Variants in TNRC6B observed in about 807,000 individuals in gnomAD.
The protein encoded by TNRC6B is trinucleotide repeat containing adaptor 6B.
In TNRC6B, 52 loss-of-function variants were observed where a neutral mutation model predicts 203.6. That is an observed-to-expected ratio of 0.26 (90% confidence interval 0.20 to 0.32). The LOEUF (loss-of-function observed/expected upper bound fraction) is 0.32, where lower values mean the gene tolerates loss of function less well. Among genes scored for constraint, TNRC6B ranks in the 10% least tolerant of loss-of-function variants. The probability of loss-of-function intolerance (pLI) is 1.00; values close to 1 mark genes in which losing one functional copy is unlikely to be tolerated. For missense variants in TNRC6B, 1,923 were observed against 2,286.2 expected (o/e 0.84, Z 3.24); for synonymous variants, 838 against 845.7 (o/e 0.99, Z 0.16).
intron 1 of TNRC6B, among the ~76,000 whole-genome samples, chr22:40,077,783 A>G (rs182854942): frequency 1.6e-4 from 22 of 140,920 alleles, no homozygotes; most frequent in East Asian, 1.0e-3. Flanking sequence ...GTGTGTGTGT[A>G]TATACACACT....
intron 3 of TNRC6B, among the ~76,000 whole-genome samples, chr22:40,129,903 A>C (rs897634158): frequency 3.3e-5 from 5 of 152,158 alleles, no homozygotes; most frequent in Non-Finnish European, 7.4e-5. Flanking sequence ...ACATGTTTTA[A>C]ATTTTCTATG....
intron 1 of TNRC6B, among the ~76,000 whole-genome samples, chr22:40,217,309 C>T (rs1555890414): frequency 6.6e-6 from 1 of 152,184 alleles, no homozygotes; most frequent in Admixed American, 6.5e-5. Context: ...TCTAAAAGCA[C>T]CATAAAATGT....
At chr22:40,308,434 A>C (rs28605331) in intron 15 of TNRC6B, 78 bp from the exon 16 acceptor site, 1 of 1,518,146 alleles carries the variant, frequency 6.6e-7, no homozygotes, top group Non-Finnish European at 9.1e-7. Flanking sequence ...ATGACACTTG[A>C]AGGCATTCCT....
At chr22:40,223,787 T>C (rs2069747810) in intron 1 of TNRC6B, among the ~76,000 whole-genome samples, 1 of 152,218 alleles carries the variant, frequency 6.6e-6, no homozygotes, top group African/African-American at 2.4e-5. Flanking sequence ...TACTTAAAAA[T>C]AGGATAGCTG....
At chr22:40,095,007 G>T (rs1023918578) in intron 1 of TNRC6B, among the ~76,000 whole-genome samples, 21 of 152,090 alleles carry the variant, frequency 1.4e-4, no homozygotes, top group African/African-American at 4.8e-5. Flanking sequence ...TTTTGATTTG[G>T]TTAGATCATC....
At chr22:40,253,776 T>C in intron 3 of TNRC6B, 1 of 454,086 alleles carries the variant, frequency 2.2e-6, no homozygotes, top group South Asian at 1.6e-5. Context: ...CAGCCACATC[T>C]TCATCTTTAT....
intron 1 of TNRC6B, among the ~76,000 whole-genome samples, chr22:40,231,164 T>TA (rs2069864325): frequency 6.6e-6 from 1 of 152,186 alleles, no homozygotes; most frequent in African/African-American, 2.4e-5. Flanking sequence ...AACTTTATAA[T>TA]AAGTCTTCAC....
Position 40,308,265 on chromosome 22 carries a change from G to C in TNRC6B, c.4121-247G>C, listed in dbSNP as rs116122772. Among the ~76,000 whole-genome samples the C allele has an allele frequency of 2.0e-3, 304 of 152,342 alleles. 1 individual carries two copies. The highest frequency in any genetic ancestry group is 7.1e-3 in the African/African-American group (297 of 41,580). On this transcript the variant is annotated intron_variant, in intron 15 of 22. Coordinates refer to ENST00000454349, the MANE Select transcript of TNRC6B (RefSeq NM_001162501.2). ...ATGTCAGCTAAATGAAAAAGGGCGT[G>C]CAGGAATGCACTGAGACAGACCTGA...
intron 4 of TNRC6B, among the ~76,000 whole-genome samples, chr22:40,166,510 A>T (rs953734210): frequency 6.6e-6 from 1 of 151,494 alleles, no homozygotes; most frequent in East Asian, 1.9e-4. Flanking sequence ...TAAATAATTC[A>T]GTGCTTCCTA....
At chr22:40,069,795 T>G (rs2067931513) in intron 1 of TNRC6B, among the ~76,000 whole-genome samples, 1 of 152,132 alleles carries the variant, frequency 6.6e-6, no homozygotes, top group African/African-American at 2.4e-5. Flanking sequence ...GCCGAGAGCT[T>G]CTTTTAGACA....
At chr22:40,277,283 C>G (rs1027279328) in intron 8 of TNRC6B, 132 bp downstream of exon 8, 2 of 572,854 alleles carry the variant, frequency 3.5e-6, no homozygotes, top group Non-Finnish European at 5.7e-6. Context: ...TGTTCTTGAC[C>G]TTTTGAGTTA....
intron 1 of TNRC6B, among the ~76,000 whole-genome samples, chr22:40,210,563 G>A (rs761368205): frequency 1.3e-5 from 2 of 152,006 alleles, no homozygotes; most frequent in Admixed American, 6.6e-5. Flanking sequence ...CATTTTATAC[G>A]CACAGCTTTC....
chr22:40,303,330 C>G (rs2071050314), intron 15 of TNRC6B, among the ~76,000 whole-genome samples: 1 of 151,942 alleles, frequency 6.6e-6, no homozygotes, highest in Non-Finnish European at 1.5e-5. Context: ...CTGGCCGATT[C>G]TTTCTTACTT....
chr22:40,268,888 G>A (rs2070517698), intron 5 of TNRC6B, among the ~76,000 whole-genome samples: 1 of 151,270 alleles, frequency 6.6e-6, no homozygotes, highest in Non-Finnish European at 1.5e-5. Context: ...ACTCCAGCCT[G>A]GGCGACAGAG....
chr22:40,123,146 A>G (rs926777171), intron 2 of TNRC6B, among the ~76,000 whole-genome samples: 5 of 152,162 alleles, frequency 3.3e-5, no homozygotes, highest in African/African-American at 1.2e-4. Flanking sequence ...GGGCCTTGGT[A>G]GGATCTTATT....
At chr22:40,296,625 C>T (rs1414848149) in intron 12 of TNRC6B, among the ~76,000 whole-genome samples, 1 of 148,300 alleles carries the variant, frequency 6.7e-6, no homozygotes, top group African/African-American at 2.5e-5. Flanking sequence ...AGCCACCGCG[C>T]CCGGCCTTTT....
At chr22:40,222,567 GT>G (rs1555890975) in intron 1 of TNRC6B, among the ~76,000 whole-genome samples, 2 of 151,920 alleles carry the variant, frequency 1.3e-5, no homozygotes, top group Non-Finnish European at 2.9e-5. Flanking sequence ...TTCCAGATCC[GT>G]ATCTTGTTCA....
intron 1 of TNRC6B, among the ~76,000 whole-genome samples, chr22:40,213,486 C>T (rs961790648): frequency 1.3e-5 from 2 of 152,130 alleles, no homozygotes; most frequent in African/African-American, 2.4e-5. Flanking sequence ...CTTGGCCCAT[C>T]CAGTCACGGG....
intron 13 of TNRC6B, 116 bp downstream of exon 13, chr22:40,300,702 A>G (rs2071011637): frequency 1.4e-6 from 2 of 1,390,256 alleles, no homozygotes; most frequent in Admixed American, 2.6e-5. Context: ...GTGCTAGTCC[A>G]CACTTCTTTG....
Sources: allele counts gnomAD v4.1 joint callset (sites outside exome capture counted in the v4.1 genomes callset), GRCh38; gene constraint gnomAD v4.1.1; transcripts MANE v1.5; gene names NCBI Gene and HGNC (gene_info 2026-07-23, HGNC 2026-07-21).